CIITA: variants seen among roughly 807,000 people sequenced by gnomAD.
CIITA encodes class II major histocompatibility complex transactivator, also known as MHC class II transactivator.
CIITA carries 72 observed loss-of-function variants against 115.1 expected under a neutral mutation model. The observed-to-expected ratio is 0.63, with a 90% CI of 0.52 to 0.76. CIITA has a LOEUF of 0.76. Ranked by LOEUF, CIITA falls within the 30% of genes least tolerant of loss-of-function variation. The pLI is 0.00. For synonymous variants in CIITA, 763 were observed against 635.6 expected (o/e 1.20, Z -3.02); for missense variants, 1,617 against 1,463.8 (o/e 1.10, Z -1.71).
chr16:10,904,078 T>G (rs2038969687), intron 9 of CIITA, among the ~76,000 whole-genome samples, 183 bp downstream of exon 9: 2 of 152,178 alleles, frequency 1.3e-5, no homozygotes, highest in African/African-American at 2.4e-5. Context: ...AATGGACAGC[T>G]AGAGAATCCA....
intron 11 of CIITA, chr16:10,908,432 C>T (rs986434009): frequency 8.9e-6 from 5 of 559,886 alleles, no homozygotes; most frequent in Non-Finnish European, 1.6e-5. Flanking sequence ...GACCTGGGCT[C>T]AAATTTGTTT....
At chr16:10,915,495 C>T (rs1253168343) in intron 13 of CIITA, 75 bp from the exon 14 acceptor site, 7 of 1,201,208 alleles carry the variant, frequency 5.8e-6, no homozygotes, top group Non-Finnish European at 7.4e-6. Flanking sequence ...TGTGCCTTGT[C>T]TCTGCCCCAC....
chr16:10,939,123 C>G (rs1238225115), downstream of CIITA: 1 of 152,118 alleles, frequency 6.6e-6, no homozygotes, highest in African/African-American at 2.4e-5. This position sits in a 1 kb window ranked among gnomAD's most constrained non-coding sequence, Gnocchi z 4.9. Context: ...CACAGGAGTG[C>G]GATACAATCA....
intron 10 of CIITA, 61 bp downstream of exon 10, chr16:10,904,873 A>C (rs2039032277): frequency 1.3e-6 from 2 of 1,545,796 alleles, no homozygotes; most frequent in Non-Finnish European, 1.8e-6. Context: ...ATCTGGCTTC[A>C]CATTGCTCAT....
rs775006458 is a variant in CIITA, at chr16:10,907,280, G to T, written c.1788G>T (p.Thr596=). Residue 596 remains threonine, a synonymous_variant, in exon 11 of 20, where the codon ACG becomes ACT. Transcript: ENST00000324288. This position sits in a 1 kb window ranked among gnomAD's most constrained non-coding sequence, Gnocchi z 5.0. The part of the protein sequence containing the change: ...GMTEHQDRAL[T]LLRDRPLLLS... ...CAGAGCACCAAGACAGAGCCCTGAC[G>T]CTCCTCCGGGACCGGCCACTTCTTC... 7.4e-6 allele frequency: 12 copies of T among 1,613,292 alleles called. No homozygotes were observed. Among genetic ancestry groups the T allele is most frequent in the Non-Finnish European group, 1.0e-5 (12 of 1,179,996 alleles).
Position 10,901,978 on chromosome 16 carries a change from C to A in CIITA, c.482-60C>A. 1 of 1,604,224 alleles carries A rather than the reference C, an allele frequency of 6.2e-7. No individual in the cohort carries two copies. Among genetic ancestry groups the A allele is most frequent in the South Asian group, 1.1e-5 (1 of 90,866 alleles). ...GACATCCATGCCACTCCAGGGCCCT[C>A]CCCATCCCAGGAAGGCCCCTCCAAG... is the stretch of plus-strand genomic sequence containing the variant. On this transcript the variant is annotated intron_variant, in intron 6 of 19. Transcript: ENST00000324288. The surrounding 1 kb of genome is among the most constrained non-coding windows in gnomAD (Gnocchi z 6.8).
chr16:10,916,626 A>G, intron 15 of CIITA, 167 bp downstream of exon 15: 2 of 679,130 alleles, frequency 2.9e-6, no homozygotes, highest in Admixed American at 4.3e-5. Flanking sequence ...CCTGGCCTCA[A>G]GGAATCTCCT....
chr16:10,902,599 C>A lies in CIITA; in HGVS notation c.629-59C>A, dbSNP rs1240037475. ...CAGACATTAATCAAATAAGCAAAAGCAGAATCGCAAACACAGGTGCTATGC... is the reference window on the plus strand; with the variant it reads ...CAGACATTAATCAAATAAGCAAAAGAAGAATCGCAAACACAGGTGCTATGC... On this transcript the variant is annotated intron_variant, in intron 7 of 19. Coordinates refer to ENST00000324288, the MANE Select transcript of CIITA (RefSeq NM_000246.4). 4 of 1,608,680 alleles carry A rather than the reference C, an allele frequency of 2.5e-6. No individual in the cohort carries two copies. In the Admixed American group the frequency reaches 6.7e-5, roughly 27 times the overall value.
chr16:10,888,406 C>A (rs1055078300), intron 1 of CIITA: 3 of 152,206 alleles, frequency 2.0e-5, no homozygotes, highest in African/African-American at 7.2e-5. Flanking sequence ...CATCTCCCAC[C>A]AGCTGAGATG....
chr16:10,892,819 G>T (rs1357121018), intron 1 of CIITA, among the ~76,000 whole-genome samples: 2 of 152,146 alleles, frequency 1.3e-5, no homozygotes, highest in Non-Finnish European at 2.9e-5. Context: ...TGTAATCCCA[G>T]CTACTCAGGA....
chr16:10,867,972 G>A (rs1447131998), intron 1 of CIITA, among the ~76,000 whole-genome samples: 1 of 151,976 alleles, frequency 6.6e-6, no homozygotes, highest in African/African-American at 2.4e-5. Flanking sequence ...ATGTTGACCA[G>A]GCTGCTTGCG....
chr16:10,915,873 T>TC (rs1376034372), intron 14 of CIITA, among the ~76,000 whole-genome samples: 10 of 152,192 alleles, frequency 6.6e-5, no homozygotes, highest in African/African-American at 2.4e-4. Context: ...CCTCACTTTG[T>TC]CCCTTTTTTT....
In CIITA at chr16:10,902,782, C is replaced by T; in HGVS notation, c.753C>T (p.Ser251=). 8.7e-6 allele frequency: 14 copies of T among 1,614,190 alleles called. No individual in the cohort carries two copies. The highest frequency in any genetic ancestry group is 1.2e-5 in the Non-Finnish European group (14 of 1,180,036). The change falls in exon 8 of 20, where the codon TCC becomes TCT. Residue 251 remains serine, a synonymous_variant. Transcript: ENST00000324288. ...WQISEAGTGV[S]SIFIYHGEVP... ...TCTCTGAGGCTGGAACAGGGGTCTC[C>T]AGTATATTCATCTACCATGGTGAGT...
At chr16:10,895,487 G>C (rs2038031540) in intron 2 of CIITA, 59 bp downstream of exon 2, 4 of 1,606,758 alleles carry the variant, frequency 2.5e-6, no homozygotes, top group Admixed American at 3.4e-5. Context: ...TTGCTGTAGA[G>C]ACGGCAATCA....
In CIITA at chr16:10,941,678, T is replaced by C; in HGVS notation, n.804T>C. On this transcript the variant is annotated non_coding_transcript_exon_variant, in exon 2 of 2. Transcript: ENST00000573379. The surrounding 1 kb of genome is among the most constrained non-coding windows in gnomAD (Gnocchi z 6.4). ...TGGGCGGCTGGTCCAGGGCATGGGT[T>C]GCGGATCGTGTAGGGAAGAGGGGAA... is the stretch of plus-strand genomic sequence containing the variant. 1.9e-6 allele frequency: 3 copies of C among 1,567,032 alleles called. No individual in the cohort carries two copies. Among genetic ancestry groups the C allele is most frequent in the Non-Finnish European group, 1.7e-6 (2 of 1,153,890 alleles).
At chr16:10,915,431 C>T (rs1205564512) in intron 13 of CIITA, 139 bp from the exon 14 acceptor site, 1 of 727,102 alleles carries the variant, frequency 1.4e-6, no homozygotes, top group Non-Finnish European at 2.5e-6. Context: ...TTGCAGGGAC[C>T]TAAGAGGCTG....
intron 17 of CIITA, 63 bp from the exon 18 acceptor site, chr16:10,922,344 T>G (rs2040319339): frequency 6.2e-7 from 1 of 1,608,950 alleles, no homozygotes; most frequent in East Asian, 2.2e-5. Context: ...GATGTGGGGG[T>G]GGCCTTGGTC....
intron 13 of CIITA, among the ~76,000 whole-genome samples, chr16:10,911,249 TTCTC>T (rs58398974): frequency 0.02 from 3,072 of 151,866 alleles, 97 homozygotes; most frequent in African/African-American, 0.07. Context: ...CTTTCTTTCT[TTCTC>T]TCTTTCTTTC....
intron 17 of CIITA, 33 bp from the exon 18 acceptor site, chr16:10,922,374 G>A: frequency 1.2e-6 from 2 of 1,613,980 alleles, no homozygotes; most frequent in Admixed American, 1.7e-5. Context: ...GGAGTCCCAA[G>A]GGCCAGGCCC....
Sources: gnomAD v4.1 joint callset for allele counts (sites outside exome capture counted in the v4.1 genomes callset) on GRCh38, gnomAD v4.1.1 for gene constraint, Gnocchi (gnomAD v3.1) non-coding constraint, MANE v1.5 for transcripts, NCBI Gene and HGNC (gene_info 2026-07-23, HGNC 2026-07-21) for gene names.